Variants in HUNK observed in about 807,000 individuals in gnomAD.
HUNK encodes hormonally up-regulated neu tumor-associated kinase.
In HUNK, 21 loss-of-function variants were observed where a neutral mutation model predicts 61.0. That is an observed-to-expected ratio of 0.34 (90% CI 0.24 to 0.50). The LOEUF (loss-of-function observed/expected upper bound fraction) is 0.50. HUNK is among the 20% of genes least tolerant of loss of function. The probability of loss-of-function intolerance (pLI) is 0.98; values close to 1 mark genes in which losing one functional copy is unlikely to be tolerated. For missense variants in HUNK, 772 were observed against 945.7 expected (o/e 0.82, Z 2.41); for synonymous variants, 371 against 386.1 (o/e 0.96, Z 0.46).
Position 32,003,113 on chromosome 21 carries a change from CAG to C in HUNK, c.*3934_*3935del, listed in dbSNP as rs1312390092. 1.3e-5 allele frequency: 2 copies of C among 152,420 alleles called. No individual in the cohort carries two copies. The highest frequency in any genetic ancestry group is 2.1e-4 in the South Asian group (1 of 4,824). 9.4% of individuals were successfully genotyped at this position (152,420 alleles called of 1,614,324 possible). A position where few individuals can be genotyped will look rare whatever the true frequency, so the allele number is the denominator to read the frequency against. On this transcript the variant is annotated 3_prime_UTR_variant, in exon 11 of 11. Coordinates refer to ENST00000270112, the MANE Select transcript of HUNK (RefSeq NM_014586.2). ...TCTCCCTCAAAGAACACAGAGAAAT[CAG>C]AGAGTGGCTGCCATGGTCAGAGGGG...
At chr21:31,906,765 G>C (rs749924812) in intron 1 of HUNK, among the ~76,000 whole-genome samples, 1 of 152,148 alleles carries the variant, frequency 6.6e-6, no homozygotes, top group African/African-American at 2.4e-5. Context: ...TCTCAGGCAG[G>C]CAGTCAGCTG....
intron 7 of HUNK, among the ~76,000 whole-genome samples, chr21:31,977,201 T>C (rs558229615): frequency 1.3e-5 from 2 of 152,348 alleles, no homozygotes; most frequent in Admixed American, 6.5e-5. Flanking sequence ...TTTATAAATA[T>C]GCATATGTTG....
chr21:31,986,466 G>A (rs577146516), intron 8 of HUNK, among the ~76,000 whole-genome samples: 3 of 152,118 alleles, frequency 2.0e-5, no homozygotes, highest in African/African-American at 7.2e-5. Context: ...ATGGTGGCCC[G>A]CCACTCTCTC....
At chr21:31,929,848 T>G (rs1438521010) in intron 2 of HUNK, among the ~76,000 whole-genome samples, 1 of 152,230 alleles carries the variant, frequency 6.6e-6, no homozygotes, top group African/African-American at 2.4e-5. Flanking sequence ...GAGGAGGCCC[T>G]TCTTTGTTCT....
chr21:31,901,714 G>A (rs11701165), intron 1 of HUNK, among the ~76,000 whole-genome samples: 92,928 of 152,056 alleles, frequency 0.61, 28,783 homozygotes, highest in East Asian at 0.87. Context: ...CTGTATGCCA[G>A]GAGAGCATAG....
chr21:31,892,196 G>T (rs1252164315), intron 1 of HUNK, among the ~76,000 whole-genome samples: 9 of 148,078 alleles, frequency 6.1e-5, no homozygotes, highest in African/African-American at 2.0e-4. Context: ...GAGAGAGAGA[G>T]AGAGAGAGAG....
intron 1 of HUNK, among the ~76,000 whole-genome samples, chr21:31,887,542 C>T (rs1351075622): frequency 6.6e-6 from 1 of 151,754 alleles, no homozygotes; most frequent in Non-Finnish European, 1.5e-5. Context: ...TTTTTGAGTT[C>T]TTGTTGTCTT....
intron 3 of HUNK, 27 bp downstream of exon 3, chr21:31,940,247 A>G: frequency 1.4e-6 from 2 of 1,429,466 alleles, no homozygotes; most frequent in Non-Finnish European, 1.9e-6. Context: ...TTTTTAAGCA[A>G]AAGTATCTTT....
At chr21:31,923,109 G>A (rs556761653) in intron 1 of HUNK, among the ~76,000 whole-genome samples, 10 of 152,240 alleles carry the variant, frequency 6.6e-5, no homozygotes, top group South Asian at 2.1e-4. Flanking sequence ...ATGTGTTGAC[G>A]TCAGTGGCTG....
At chr21:31,997,066 C>A (rs1354418944) in intron 10 of HUNK, among the ~76,000 whole-genome samples, 2 of 152,238 alleles carry the variant, frequency 1.3e-5, no homozygotes, top group Admixed American at 6.5e-5. Flanking sequence ...GGAGGCTTCC[C>A]AGTGCCCTCA....
intron 5 of HUNK, among the ~76,000 whole-genome samples, chr21:31,959,649 G>A (rs2052913860): frequency 6.6e-6 from 1 of 152,148 alleles, no homozygotes; most frequent in Admixed American, 6.5e-5. Context: ...GCTTTGATGA[G>A]CATTTAATTG....
At chr21:31,951,502 CGTT>C (rs1020540352) in intron 4 of HUNK, among the ~76,000 whole-genome samples, 60 of 152,154 alleles carry the variant, frequency 3.9e-4, no homozygotes, top group African/African-American at 1.4e-3. Flanking sequence ...GAGAATGCAA[CGTT>C]GTTGGACTAA....
chr21:31,906,557 G>A (rs2052506936), intron 1 of HUNK, among the ~76,000 whole-genome samples: 1 of 152,088 alleles, frequency 6.6e-6, no homozygotes, highest in Non-Finnish European at 1.5e-5. Context: ...AGCCTCCCAA[G>A]TAGCTGGGAC....
intron 1 of HUNK, among the ~76,000 whole-genome samples, chr21:31,877,249 G>A (rs910107512): frequency 4.6e-5 from 7 of 152,132 alleles, no homozygotes; most frequent in African/African-American, 7.2e-5. Context: ...TGTGTGTAGC[G>A]TGTTGTGTTT....
rs544210778 is a variant in HUNK at position 31,910,050 on chromosome 21, G to T, written c.262-14418G>T. 3.3e-5 allele frequency among the ~76,000 whole-genome samples: 5 copies of T among 152,248 alleles called. No homozygotes were observed. In the South Asian group the frequency reaches 6.2e-4, roughly 19 times the overall value. Reference sequence around the variant, plus strand: ...CATTTCCTCCAGTGCTGTCAACCAGGTTTGAATTTTTATGATGAGATTTAC... The same window carrying T: ...CATTTCCTCCAGTGCTGTCAACCAGTTTTGAATTTTTATGATGAGATTTAC... On this transcript the variant is annotated intron_variant, in intron 1 of 10. Coordinates refer to ENST00000270112, the MANE Select transcript of HUNK (RefSeq NM_014586.2).
intron 9 of HUNK, among the ~76,000 whole-genome samples, chr21:31,992,766 G>T (rs1313201256): frequency 6.6e-6 from 1 of 152,238 alleles, no homozygotes; most frequent in East Asian, 1.9e-4. Context: ...GAGAAAACAG[G>T]CCATGCAAAT....
In HUNK at chr21:31,877,350, G is replaced by A. The variant is rs150061164; in HGVS notation, c.261+3415G>A. On this transcript the variant is annotated intron_variant, in intron 1 of 10. Transcript: ENST00000270112. ...TGAGTCCAGATGACAAAGGGAGCCA[G>A]TTTTTCCCAACTTTCCTTTTAGGTT... Among the ~76,000 whole-genome samples, 424 of 152,310 alleles carry A rather than the reference G, an allele frequency of 2.8e-3. 2 individuals carry two copies. Among genetic ancestry groups the A allele is most frequent in the African/African-American group, 9.6e-3 (398 of 41,564 alleles).
chr21:31,998,738 C>T lies in HUNK; in HGVS notation c.1699C>T (p.Arg567Cys), dbSNP rs141493785. 31 of 1,614,090 alleles carry T rather than the reference C, an allele frequency of 1.9e-5. No homozygotes were observed. The Admixed American group carries it at 2.5e-4, about 13-fold the overall frequency. ...DMVRSFESVD[R>C]DDHVEVLSPS... ...GGTGCGCTCCTTCGAGTCTGTGGAT[C>T]GCGACGACCACGTAGAAGTGCTGTC... The change falls in exon 11 of 11, where the codon CGC becomes TGC. Residue 567 changes from arginine (R) to cysteine (C), a missense_variant. Coordinates refer to ENST00000270112, the MANE Select transcript of HUNK (RefSeq NM_014586.2).
intron 2 of HUNK, among the ~76,000 whole-genome samples, chr21:31,939,412 T>G (rs2052753930): frequency 7.1e-6 from 1 of 141,288 alleles, no homozygotes; most frequent in Admixed American, 7.1e-5. Context: ...TTTTTTTTTT[T>G]TTTTTTTTTT....
Sources: allele counts gnomAD v4.1 joint callset (sites outside exome capture counted in the v4.1 genomes callset), GRCh38; gene constraint gnomAD v4.1.1; transcripts MANE v1.5; gene names NCBI Gene and HGNC (gene_info 2026-07-23, HGNC 2026-07-21).